The following SPEF2 variants were observed in gnomAD, a reference collection of about 807,000 sequenced individuals.
SPEF2 encodes the protein sperm flagellar and cilia associated 2.
SPEF2 carries 187 observed loss-of-function variants against 224.6 expected under a neutral mutation model. That is an observed-to-expected ratio of 0.83 (90% confidence interval 0.74 to 0.94). The LOEUF (loss-of-function observed/expected upper bound fraction) is 0.94. Among genes scored for constraint, SPEF2 ranks in the 40% least tolerant of loss-of-function variants. SPEF2 has a pLI of 0.00. For synonymous variants in SPEF2, 715 were observed against 707.3 expected, an observed-to-expected ratio of 1.01 and a Z score of -0.17; for missense variants, 2,170 against 2,135.6, an observed-to-expected ratio of 1.02 and a Z score of -0.32.
intron 31 of SPEF2, 28 bp from the exon 32 acceptor site, chr5:35,793,131 T>C (rs769374400): frequency 1.9e-6 from 3 of 1,596,376 alleles, no homozygotes; most frequent in Non-Finnish European, 2.6e-6. Flanking sequence ...ATGTAGATAT[T>C]CCAAAGATAT....
intron 14 of SPEF2, among the ~76,000 whole-genome samples, chr5:35,696,817 T>G (rs1300267294): frequency 6.6e-6 from 1 of 152,132 alleles, no homozygotes; most frequent in Non-Finnish European, 1.5e-5. Flanking sequence ...GGTCACCTTA[T>G]GACATCGGGC....
At chr5:35,779,843 C>T (rs1754082980) in intron 30 of SPEF2, among the ~76,000 whole-genome samples, 1 of 152,184 alleles carries the variant, frequency 6.6e-6, no homozygotes, top group Non-Finnish European at 1.5e-5. Context: ...TCGGTTTGTT[C>T]ATATGTATGT....
intron 10 of SPEF2, among the ~76,000 whole-genome samples, chr5:35,678,113 CT>C (rs1752279544): frequency 6.6e-6 from 1 of 152,250 alleles, no homozygotes; most frequent in Admixed American, 6.5e-5. Context: ...ATGCAGTCTA[CT>C]GCCCTGGGTC....
chr5:35,749,060 T>G (rs1749008793), intron 23 of SPEF2, among the ~76,000 whole-genome samples: 1 of 151,990 alleles, frequency 6.6e-6, no homozygotes, highest in Admixed American at 6.5e-5. Flanking sequence ...ATACACCACA[T>G]AAACAGAATT....
intron 25 of SPEF2, among the ~76,000 whole-genome samples, chr5:35,762,637 T>C (rs1012015945): frequency 1.7e-4 from 26 of 152,162 alleles, no homozygotes; most frequent in African/African-American, 6.0e-4. Flanking sequence ...CTCCTCTAGT[T>C]TCAACAGAGG....
At position 35,806,781 on chromosome 5, in the gene SPEF2, A is replaced by G; in HGVS notation, c.5085A>G (p.Lys1695=). 2 of 1,614,074 alleles carry G rather than the reference A, an allele frequency of 1.2e-6. No individual in the cohort carries two copies. The highest frequency in any genetic ancestry group is 1.7e-6 in the Non-Finnish European group (2 of 1,179,970). The part of the protein sequence containing the change: ...PEENAAREER[K]LKDDTEKREQ... ...AAAATGCTGCAAGAGAAGAAAGGAA[A>G]TTAAAAGACGACACGGAGAAAAGGG... The change falls in exon 35 of 37, where the codon AAA becomes AAG. Residue 1695 remains lysine, a synonymous_variant. Transcript: ENST00000356031.
At chr5:35,803,038 C>T (rs1211295015) in intron 34 of SPEF2, among the ~76,000 whole-genome samples, 1 of 152,154 alleles carries the variant, frequency 6.6e-6, no homozygotes, top group Non-Finnish European at 1.5e-5. Flanking sequence ...ACCTTGTTAC[C>T]CATCTTCATG....
In SPEF2 at chr5:35,799,872, T is replaced by G. The variant is rs1054220029; in HGVS notation, c.4831-96T>G. 16 of 1,359,196 alleles carry G rather than the reference T, an allele frequency of 1.2e-5. No individual in the cohort carries two copies. In the African/African-American group the frequency reaches 2.3e-4, roughly 20 times the overall value. 84.2% of individuals were successfully genotyped at this position (1,359,196 alleles called of 1,614,324 possible). ...CTAATTCAATCCTCAGAAGGCAACC[T>G]TATTCCAAAGCTCCTGGGGAGATTC... On this transcript the variant is annotated intron_variant, in intron 33 of 36. Transcript: ENST00000356031.
intron 9 of SPEF2, among the ~76,000 whole-genome samples, chr5:35,667,558 T>G (rs955153942): frequency 6.6e-6 from 1 of 152,164 alleles, no homozygotes; most frequent in Non-Finnish European, 1.5e-5. Flanking sequence ...ATCTTTGGGT[T>G]CTATGACTAG....
intron 1 of SPEF2, 140 bp from the exon 2 acceptor site, chr5:35,628,320 G>A (rs1744562312): frequency 2.2e-6 from 1 of 460,654 alleles, no homozygotes; most frequent in South Asian, 5.5e-5. Flanking sequence ...GTTATTAAAA[G>A]ATGTTTCTAG....
intron 33 of SPEF2, 82 bp from the exon 34 acceptor site, chr5:35,799,886 C>T: frequency 1.3e-6 from 2 of 1,490,562 alleles, no homozygotes; most frequent in South Asian, 1.3e-5. Context: ...TCCAAAGCTC[C>T]TGGGGAGATT....
At chr5:35,659,357 T>G in intron 8 of SPEF2, 150 bp downstream of exon 8, 1 of 730,362 alleles carries the variant, frequency 1.4e-6, no homozygotes, top group East Asian at 2.8e-5. Context: ...TTTATTTTTG[T>G]ATAACTCCAT....
At chr5:35,777,459 T>A (rs948461409) in intron 29 of SPEF2, among the ~76,000 whole-genome samples, 1 of 152,088 alleles carries the variant, frequency 6.6e-6, no homozygotes, top group East Asian at 1.9e-4. Flanking sequence ...TCATTTCTGT[T>A]CTCTGCCTGC....
intron 2 of SPEF2, 130 bp from the exon 3 acceptor site, chr5:35,641,301 G>A: frequency 9.3e-7 from 1 of 1,078,954 alleles, no homozygotes; most frequent in Non-Finnish European, 1.3e-6. Flanking sequence ...AGTGGTTTTA[G>A]AGAGGAATGA....
intron 30 of SPEF2, among the ~76,000 whole-genome samples, chr5:35,783,478 A>C (rs1164796567): frequency 6.6e-6 from 1 of 152,206 alleles, no homozygotes; most frequent in African/African-American, 2.4e-5. Context: ...AGAATGTGCA[A>C]TTTAAGTGTA....
intron 20 of SPEF2, among the ~76,000 whole-genome samples, chr5:35,723,369 C>T (rs1744109755): frequency 6.6e-6 from 1 of 151,992 alleles, no homozygotes; most frequent in African/African-American, 2.4e-5. Flanking sequence ...GATACTCAGC[C>T]CCACCCGAGA....
intron 24 of SPEF2, among the ~76,000 whole-genome samples, chr5:35,756,194 T>C (rs539487738): frequency 6.6e-6 from 1 of 152,298 alleles, no homozygotes; most frequent in African/African-American, 2.4e-5. Flanking sequence ...GTCCAGTGTA[T>C]CCACCCTGTA....
intron 20 of SPEF2, among the ~76,000 whole-genome samples, chr5:35,713,412 C>G (rs915894039): frequency 3.3e-5 from 5 of 151,778 alleles, no homozygotes; most frequent in African/African-American, 1.2e-4. Flanking sequence ...TTTTGTAATC[C>G]TTTAAGCCAG....
intron 36 of SPEF2, among the ~76,000 whole-genome samples, chr5:35,808,414 G>A (rs1218166243): frequency 1.3e-5 from 2 of 151,762 alleles, no homozygotes; most frequent in Non-Finnish European, 2.9e-5. Flanking sequence ...CCCACCCCAT[G>A]ACAGGCCCCA....
Sources: allele counts gnomAD v4.1 joint callset (sites outside exome capture counted in the v4.1 genomes callset), GRCh38; gene constraint gnomAD v4.1.1; transcripts MANE v1.5; gene names NCBI Gene and HGNC (gene_info 2026-07-23, HGNC 2026-07-21).